GUCY1A2: variants seen among roughly 807,000 people sequenced by gnomAD.
GUCY1A2 encodes the protein guanylate cyclase soluble subunit alpha-2.
Under a neutral mutation model 63.5 loss-of-function variants are expected in GUCY1A2, and 27 were observed. That is an observed-to-expected ratio of 0.43 (90% CI 0.31 to 0.59). GUCY1A2 has a LOEUF of 0.59. GUCY1A2 is among the 20% of genes least tolerant of loss of function. The probability of loss-of-function intolerance (pLI) is 0.11; values close to 1 mark genes in which losing one functional copy is unlikely to be tolerated. For missense variants in GUCY1A2, 768 were observed against 913.3 expected, an observed-to-expected ratio of 0.84 and a Z score of 2.05; for synonymous variants, 364 against 343.5, an observed-to-expected ratio of 1.06 and a Z score of -0.66.
intron 3 of GUCY1A2, among the ~76,000 whole-genome samples, chr11:106,957,902 G>A (rs1235146145): frequency 2.2e-5 from 3 of 137,344 alleles, no homozygotes; most frequent in Non-Finnish European, 3.1e-5. Flanking sequence ...GAAAAAAAAG[G>A]TGTTGTGGTA....
chr11:106,896,332 T>G (rs2135481635), intron 4 of GUCY1A2, among the ~76,000 whole-genome samples: 1 of 152,124 alleles, frequency 6.6e-6, no homozygotes, highest in African/African-American at 2.4e-5. Context: ...ATAAAGAATA[T>G]CTACAAAATC....
chr11:106,940,205 AGT>A (rs1408601531), intron 3 of GUCY1A2, 27 bp from the exon 4 acceptor site: 1 of 1,013,546 alleles, frequency 9.9e-7, no homozygotes, highest in Non-Finnish European at 1.5e-6. Flanking sequence ...AGCAAATGTT[AGT>A]GAAGTCTAAT....
chr11:106,721,297 G>C (rs987317878), intron 6 of GUCY1A2, among the ~76,000 whole-genome samples: 5 of 152,130 alleles, frequency 3.3e-5, no homozygotes, highest in Non-Finnish European at 7.3e-5. Context: ...GGCCTCAGGT[G>C]ATCTGCCTGC....
chr11:106,734,652 G>C (rs1863558237), intron 6 of GUCY1A2, among the ~76,000 whole-genome samples: 1 of 152,122 alleles, frequency 6.6e-6, no homozygotes, highest in South Asian at 2.1e-4. Context: ...ATGCTGTGAA[G>C]TTATTGCCAA....
intron 4 of GUCY1A2, among the ~76,000 whole-genome samples, chr11:106,851,394 G>A (rs1043389847): frequency 4.0e-5 from 6 of 151,578 alleles, no homozygotes; most frequent in Admixed American, 3.3e-4. Context: ...TGTCACCTGT[G>A]CTTTTAAAGT....
chr11:106,967,520 G>C (rs536342529), intron 3 of GUCY1A2, among the ~76,000 whole-genome samples: 2 of 152,094 alleles, frequency 1.3e-5, no homozygotes, highest in African/African-American at 4.8e-5. Context: ...GATGAATAAA[G>C]GGAGGGATTT....
chr11:106,899,880 C>G (rs541604394), intron 4 of GUCY1A2, among the ~76,000 whole-genome samples: 1 of 152,042 alleles, frequency 6.6e-6, no homozygotes, highest in East Asian at 1.9e-4. Flanking sequence ...GTCAGGAGAT[C>G]GAGACCATCC....
intron 4 of GUCY1A2, among the ~76,000 whole-genome samples, chr11:106,932,994 A>G (rs193220133): frequency 6.6e-6 from 1 of 152,292 alleles, no homozygotes; most frequent in East Asian, 1.9e-4. Flanking sequence ...TTTAAATGTA[A>G]GACCTCGAAC....
intron 3 of GUCY1A2, among the ~76,000 whole-genome samples, chr11:106,976,314 G>A (rs183118135): frequency 6.6e-6 from 1 of 151,900 alleles, no homozygotes; most frequent in Admixed American, 6.6e-5. Context: ...GTTTTCCTGT[G>A]CCACCCCCCA....
Position 106,759,167 on chromosome 11 carries a change from GA to G in GUCY1A2, c.1836+17271del, listed in dbSNP as rs5794492. On this transcript the variant is annotated intron_variant, in intron 6 of 7. Transcript: ENST00000526355. ...ATCTAAAATAAAAGTTGAAATTATT[GA>G]AAAAAAAAAAAGCAAGTATTTGCAA... Among the ~76,000 whole-genome samples the G allele has an allele frequency of 2.9e-3, 414 of 140,582 alleles. 2 individuals are homozygous for G. Among genetic ancestry groups the G allele is most frequent in the African/African-American group, 8.7e-3 (341 of 39,294 alleles). 92.2% of individuals were successfully genotyped at this position (140,582 alleles called of 152,430 possible).
chr11:106,948,842 A>G lies in GUCY1A2; in HGVS notation c.488-8664T>C, dbSNP rs142667555. On this transcript the variant is annotated intron_variant, in intron 3 of 7. Transcript: ENST00000526355. The stretch of plus-strand genomic sequence containing the variant: ...AAATGGCACTAGCCATCTGGAAAAC[A>G]ATAAAATTAAATCCCATCTCATGCC... Among the ~76,000 whole-genome samples the G allele has an allele frequency of 2.6e-5, 4 of 152,204 alleles. No homozygotes were observed. The South Asian group carries it at 6.2e-4, about 24-fold the overall frequency.
intron 7 of GUCY1A2, among the ~76,000 whole-genome samples, chr11:106,703,540 G>A (rs886793411): frequency 1.2e-4 from 18 of 151,058 alleles, no homozygotes; most frequent in African/African-American, 3.4e-4. Flanking sequence ...GAAGAAGAAG[G>A]TTCTGAACAG....
At position 106,810,430 on chromosome 11, in the gene GUCY1A2, T is replaced by C. The variant is rs761928697; in HGVS notation, c.1255A>G (p.Ile419Val). 4 of 1,610,712 alleles carry C rather than the reference T, an allele frequency of 2.5e-6. No individual in the cohort carries two copies. The East Asian group carries it at 8.9e-5, about 36-fold the overall frequency. The change falls in exon 5 of 8, where the codon ATT becomes GTT. Residue 419 changes from isoleucine (I) to valine (V), a missense_variant. Ile to Val is a conservative substitution (Grantham distance 29). Coordinates refer to ENST00000526355, the MANE Select transcript of GUCY1A2 (RefSeq NM_000855.3). ...QMIHVPESNS[I>V]LFLGSPCVDK... ...ACACATGGAGAGCCCAAAAATAAAA[T>C]GGAATTTGATTCTGGAACATGGATC...
chr11:106,994,248 T>G (rs1021831302), intron 1 of GUCY1A2, among the ~76,000 whole-genome samples: 5 of 152,208 alleles, frequency 3.3e-5, no homozygotes, highest in Admixed American at 2.6e-4. Context: ...TAACATATAA[T>G]CAATATTGTA....
rs1861858989 is a variant in GUCY1A2 at position 107,018,346 on chromosome 11, G to C, written c.-291C>G. On this transcript the variant is annotated 5_prime_UTR_variant, in exon 1 of 8. Transcript: ENST00000526355. ...CTGCTGCTCGCGCGGCGCCGCCTCA[G>C]CGCCCGCCTCGGCGCATCGCCGTGC... is the stretch of plus-strand genomic sequence containing the variant. 6.7e-6 allele frequency: 1 copy of C among 148,436 alleles called. No individual in the cohort carries two copies. The highest frequency in any genetic ancestry group is 6.7e-5 in the Admixed American group (1 of 14,958). 9.2% of individuals were successfully genotyped at this position (148,436 alleles called of 1,614,324 possible).
intron 4 of GUCY1A2, among the ~76,000 whole-genome samples, chr11:106,871,262 A>C (rs554036700): frequency 1.2e-4 from 19 of 152,292 alleles, no homozygotes; most frequent in African/African-American, 4.6e-4. Context: ...ATCTAATTTC[A>C]AAAAAGGGGT....
At position 106,919,014 on chromosome 11, in the gene GUCY1A2, A is replaced by C. The variant is rs1338413806; in HGVS notation, c.1206+20446T>G. ...TTAATACCAGACTATAATTACATTC[A>C]TTTATTATCTATTTATTGAATTCCT... On this transcript the variant is annotated intron_variant, in intron 4 of 7. Transcript: ENST00000526355. 2.0e-5 allele frequency among the ~76,000 whole-genome samples: 3 copies of C among 152,148 alleles called. No homozygotes were observed. In the South Asian group the frequency reaches 6.2e-4, roughly 31 times the overall value.
intron 4 of GUCY1A2, among the ~76,000 whole-genome samples, chr11:106,922,904 C>A (rs1408710906): frequency 6.6e-6 from 1 of 151,480 alleles, no homozygotes; most frequent in Non-Finnish European, 1.5e-5. Context: ...GCGACAGTGG[C>A]AACGAAAGAA....
At chr11:106,840,046 A>T (rs2135442810) in intron 4 of GUCY1A2, among the ~76,000 whole-genome samples, 1 of 152,142 alleles carries the variant, frequency 6.6e-6, no homozygotes, top group South Asian at 2.1e-4. Context: ...AAAATAATTT[A>T]ACATGAGCCA....
Sources: gnomAD v4.1 joint callset for allele counts (sites outside exome capture counted in the v4.1 genomes callset) on GRCh38, gnomAD v4.1.1 for gene constraint, MANE v1.5 for transcripts, NCBI Gene and HGNC (gene_info 2026-07-23, HGNC 2026-07-21) for gene names.